BMP6: variants seen among roughly 807,000 people sequenced by gnomAD.
BMP6 encodes the protein VG-1-R.
In BMP6, 17 loss-of-function variants were observed where a neutral mutation model predicts 54.1. That is an observed-to-expected ratio of 0.31 (90% CI 0.22 to 0.47). The LOEUF is 0.47. Ranked by LOEUF, BMP6 falls within the 20% of genes least tolerant of loss-of-function variation. BMP6 has a pLI of 1.00. For synonymous variants in BMP6, 328 were observed against 291.2 expected (o/e 1.13, Z -1.28); for missense variants, 720 against 690.4 (o/e 1.04, Z -0.48).
intron 1 of BMP6, among the ~76,000 whole-genome samples, chr6:7,746,410 G>A (rs1455818821): frequency 3.9e-5 from 6 of 152,134 alleles, no homozygotes; most frequent in Non-Finnish European, 8.8e-5. Context: ...AATGGGAGAC[G>A]AACTGGGGCA....
chr6:7,762,995 C>A (rs1315696388), intron 1 of BMP6, among the ~76,000 whole-genome samples: 3 of 152,220 alleles, frequency 2.0e-5, no homozygotes, highest in Non-Finnish European at 2.9e-5. Context: ...TAAAACATGG[C>A]CGTGCGGCAG....
At chr6:7,744,134 C>T (rs561882841) in intron 1 of BMP6, among the ~76,000 whole-genome samples, 1 of 152,266 alleles carries the variant, frequency 6.6e-6, no homozygotes, top group Admixed American at 6.5e-5. Flanking sequence ...TTCTGTTTAT[C>T]CATCCATTTT....
intron 1 of BMP6, among the ~76,000 whole-genome samples, chr6:7,805,763 A>G (rs1758338248): frequency 6.6e-6 from 1 of 152,228 alleles, no homozygotes; most frequent in Non-Finnish European, 1.5e-5. Flanking sequence ...AAAACCTCAC[A>G]AAGAGAATTC....
At chr6:7,766,357 A>T (rs1237972565) in intron 1 of BMP6, among the ~76,000 whole-genome samples, 1 of 152,234 alleles carries the variant, frequency 6.6e-6, no homozygotes, top group East Asian at 1.9e-4. Context: ...TTACACCTGT[A>T]GTCCCAACAT....
chr6:7,755,125 G>A (rs930878182), intron 1 of BMP6, among the ~76,000 whole-genome samples: 11 of 152,162 alleles, frequency 7.2e-5, no homozygotes, highest in African/African-American at 1.4e-4. Flanking sequence ...ATTTCTTGAA[G>A]CAACCTAACA....
chr6:7,844,358 T>TC (rs1759025199), intron 1 of BMP6, among the ~76,000 whole-genome samples: 1 of 146,942 alleles, frequency 6.8e-6, no homozygotes, highest in African/African-American at 2.5e-5. Flanking sequence ...TTTTTTTTTT[T>TC]CAATGTAAAC....
rs11333377 is a variant in BMP6 at position 7,732,899 on chromosome 6, A to ATT, written c.664+5294_664+5295dup. On this transcript the variant is annotated intron_variant, in intron 1 of 6. Transcript: ENST00000283147. ...CAAAAATGAACTATTCTAGGGAATG[A>ATT]TTTTTTTTTTTTTTTAAGACAGTAT... is the stretch of plus-strand genomic sequence containing the variant. Among the ~76,000 whole-genome samples, 859 of 148,176 alleles carry ATT rather than the reference A, an allele frequency of 5.8e-3. 8 individuals carry two copies. Among genetic ancestry groups the ATT allele is most frequent in the African/African-American group, 0.02 (792 of 40,252 alleles).
intron 1 of BMP6, among the ~76,000 whole-genome samples, chr6:7,746,073 C>T (rs1757341740): frequency 6.6e-6 from 1 of 152,066 alleles, no homozygotes; most frequent in Non-Finnish European, 1.5e-5. Context: ...TTTGGATTTC[C>T]CTTGGTAGGT....
chr6:7,870,419 T>C (rs1012819456), intron 4 of BMP6, among the ~76,000 whole-genome samples: 3 of 152,126 alleles, frequency 2.0e-5, no homozygotes, highest in Non-Finnish European at 4.4e-5. Context: ...ATTGGAAAAA[T>C]GAAGGCAACG....
chr6:7,817,919 T>G (rs1180838389), intron 1 of BMP6, among the ~76,000 whole-genome samples: 1 of 152,232 alleles, frequency 6.6e-6, no homozygotes, highest in African/African-American at 2.4e-5. Context: ...CTGAGGTTTG[T>G]GGATGGCAAG....
chr6:7,838,193 A>G (rs1254460510), intron 1 of BMP6, among the ~76,000 whole-genome samples: 5 of 151,802 alleles, frequency 3.3e-5, no homozygotes, highest in Admixed American at 2.0e-4. Context: ...AACTTTTATT[A>G]TAGTATATTG....
intron 1 of BMP6, among the ~76,000 whole-genome samples, chr6:7,801,483 G>A (rs1758269732): frequency 6.6e-6 from 1 of 152,204 alleles, no homozygotes; most frequent in Non-Finnish European, 1.5e-5. Context: ...TGAGCTCTGA[G>A]ATCCATAGTG....
In BMP6 at chr6:7,879,804, A is replaced by G. The variant is rs115580718; in HGVS notation, c.1282-187A>G. 5.9e-3 allele frequency among the ~76,000 whole-genome samples: 896 copies of G among 152,350 alleles called. 17 individuals carry two copies. The highest frequency in any genetic ancestry group is 0.02 in the African/African-American group (846 of 41,574). ...TGCAAGGAGCGAGGGTTCTGGGGTCAGATGGACCAGGTTCACTTCCCAGCA... is the reference window on the plus strand; with the variant it reads ...TGCAAGGAGCGAGGGTTCTGGGGTCGGATGGACCAGGTTCACTTCCCAGCA... On this transcript the variant is annotated intron_variant, in intron 5 of 6. Transcript: ENST00000283147.
Position 7,873,691 on chromosome 6 carries a change from A to C in BMP6, c.1205-5383A>C, listed in dbSNP as rs573482042. Among the ~76,000 whole-genome samples, 162 of 152,084 alleles carry C rather than the reference A, an allele frequency of 1.1e-3. 2 individuals are homozygous for C. The South Asian group carries it at 0.031, about 29-fold the overall frequency. On this transcript the variant is annotated intron_variant, in intron 4 of 6. Coordinates refer to ENST00000283147, the MANE Select transcript of BMP6 (RefSeq NM_001718.6). Reference sequence around the variant, plus strand: ...AGGTCCTAGAGAGTGTGTGGGGTTCACCGTGTACAATCTAGGGCCTCAGGA... The same window carrying C: ...AGGTCCTAGAGAGTGTGTGGGGTTCCCCGTGTACAATCTAGGGCCTCAGGA...
At chr6:7,748,262 A>G (rs1445353917) in intron 1 of BMP6, among the ~76,000 whole-genome samples, 1 of 152,146 alleles carries the variant, frequency 6.6e-6, no homozygotes. Flanking sequence ...GGGAGGATTG[A>G]GATAATACAT....
chr6:7,799,293 G>T (rs1360925614), intron 1 of BMP6, among the ~76,000 whole-genome samples: 1 of 152,170 alleles, frequency 6.6e-6, no homozygotes, highest in East Asian at 1.9e-4. Flanking sequence ...GATTTGTGAT[G>T]GTCGCCACAT....
chr6:7,841,888 G>T (rs267190), intron 1 of BMP6, among the ~76,000 whole-genome samples: 71,815 of 152,110 alleles, frequency 0.47, 17,633 homozygotes, highest in East Asian at 0.77. Flanking sequence ...TGTAATAAAA[G>T]GAATGCTTTG....
chr6:7,870,967 G>C (rs1361716948), intron 4 of BMP6, among the ~76,000 whole-genome samples: 1 of 152,164 alleles, frequency 6.6e-6, no homozygotes, highest in African/African-American at 2.4e-5. Flanking sequence ...TCCCCGAAGG[G>C]AGTTGTAGAA....
At chr6:7,846,781 G>A (rs1161055775) in intron 2 of BMP6, among the ~76,000 whole-genome samples, 1 of 152,054 alleles carries the variant, frequency 6.6e-6, no homozygotes, top group Non-Finnish European at 1.5e-5. Flanking sequence ...CTAGATTTTT[G>A]TCTGTTGATA....
Sources: gnomAD v4.1 joint callset for allele counts (sites outside exome capture counted in the v4.1 genomes callset) on GRCh38, gnomAD v4.1.1 for gene constraint, MANE v1.5 for transcripts, NCBI Gene and HGNC (gene_info 2026-07-23, HGNC 2026-07-21) for gene names.